Variants in CFD observed in about 807,000 individuals in gnomAD.
CFD encodes the protein C3 convertase activator.
A neutral mutation model predicts 21.1 loss-of-function variants in CFD; 24 were observed. That is an observed-to-expected ratio of 1.14 (90% CI 0.82 to 1.60). The LOEUF (loss-of-function observed/expected upper bound fraction) is 1.60. Among genes scored for constraint, CFD ranks in the 40% most tolerant of loss-of-function variants. The pLI is 0.00. For synonymous variants in CFD, 242 were observed against 175.9 expected (o/e 1.38, Z -2.97); for missense variants, 535 against 383.3 (o/e 1.40, Z -3.31).
chr19:863,206 T>C lies in CFD; in HGVS notation c.730T>C (p.Tyr244His), dbSNP rs1191185181. The C allele has an allele frequency of 1.3e-6, 2 of 1,541,982 alleles. No individual in the cohort carries two copies. The highest frequency in any genetic ancestry group is 2.7e-5 in the African/African-American group (2 of 73,588). The change falls in exon 5 of 5, where the codon TAT (tyrosine) becomes CAT (histidine). Residue 244 changes from tyrosine (Y) to histidine (H), a missense_variant. Transcript: ENST00000327726. ...CGGGATCTACACCCGCGTGGCGAGCTATGCGGCCTGGATCGACAGCGTCCT... is the reference window on the plus strand; with the variant it reads ...CGGGATCTACACCCGCGTGGCGAGCCATGCGGCCTGGATCGACAGCGTCCT... ...KPGIYTRVAS[Y>H]AAWIDSVLA
In CFD at chr19:861,812, C is replaced by A; in HGVS notation, c.471C>A (p.Asn157Lys). Residue 157 changes from asparagine (N) to lysine (K), a missense_variant, in exon 4 of 5, where the codon AAC becomes AAA. By Grantham distance (94) the Asn-to-Lys change is moderately conservative. Coordinates refer to ENST00000327726, the MANE Select transcript of CFD (RefSeq NM_001928.4). ...LCDVAGWGIVNHAGRRPDSLQ... is the reference protein window; with the variant it reads ...LCDVAGWGIVKHAGRRPDSLQ... Reference sequence around the variant, plus strand: ...ACGTGGCCGGCTGGGGCATAGTCAACCACGCGGGCCGCCGCCCGGACAGCC... The same window carrying A: ...ACGTGGCCGGCTGGGGCATAGTCAAACACGCGGGCCGCCGCCCGGACAGCC... The A allele has an allele frequency of 6.2e-7, 1 of 1,603,148 alleles. No homozygotes were observed. Among genetic ancestry groups the A allele is most frequent in the Non-Finnish European group, 8.5e-7 (1 of 1,179,108 alleles).
In CFD at chr19:863,287, C is replaced by G; in HGVS notation, c.*49C>G. 1 of 1,539,896 alleles carries G rather than the reference C, an allele frequency of 6.5e-7. No homozygotes were observed. Among genetic ancestry groups the G allele is most frequent in the South Asian group, 1.2e-5 (1 of 84,296 alleles). ...GTCACCCAAGCAACAAAGTCCCGAG[C>G]AATGAAGTCATCCACTCCTGCATCT... On this transcript the variant is annotated 3_prime_UTR_variant, in exon 5 of 5. Transcript: ENST00000327726.
At chr19:861,441 GC>G (rs1260247159) in intron 3 of CFD, among the ~76,000 whole-genome samples, 11 of 125,088 alleles carry the variant, frequency 8.8e-5, no homozygotes, top group Admixed American at 8.8e-4. Flanking sequence ...TGCACTGGGA[GC>G]CCCCCACCCC....
intron 3 of CFD, 151 bp downstream of exon 3, chr19:861,156 T>C: frequency 1.7e-6 from 1 of 605,842 alleles, no homozygotes; most frequent in Non-Finnish European, 2.9e-6. Context: ...TCACCCCGGG[T>C]CTAGCCTCGA....
At chr19:860,438 C>CCG (rs1555711277) in intron 1 of CFD, among the ~76,000 whole-genome samples, 179 bp from the exon 2 acceptor site, 28 of 150,652 alleles carry the variant, frequency 1.9e-4, no homozygotes, top group African/African-American at 6.3e-4. Context: ...GCACCCCCCC[C>CCG]TCCCCCCCCG....
intron 4 of CFD, 46 bp from the exon 5 acceptor site, chr19:863,045 CG>C: frequency 6.8e-7 from 1 of 1,476,436 alleles, no homozygotes; most frequent in Non-Finnish European, 9.0e-7. Flanking sequence ...CACGTGAGGC[CG>C]GGGTGGGCGC....
Position 863,145 on chromosome 19 carries a change from C to T in CFD, c.669C>T (p.Thr223=), listed in dbSNP as rs772108659. 3 of 1,535,574 alleles carry T rather than the reference C, an allele frequency of 2.0e-6. No homozygotes were observed. The highest frequency in any genetic ancestry group is 2.4e-5 in the South Asian group (2 of 84,032). Reference sequence around the variant, plus strand: ...GGGGCGTGCTCGAGGGCGTGGTCACCTCGGGCTCGCGCGTTTGCGGCAACC... The same window carrying T: ...GGGGCGTGCTCGAGGGCGTGGTCACTTCGGGCTCGCGCGTTTGCGGCAACC... ...VCGGVLEGVV[T]SGSRVCGNRK... Residue 223 remains threonine, a synonymous_variant, in exon 5 of 5, where the codon ACC becomes ACT. Transcript: ENST00000327726.
intron 4 of CFD, among the ~76,000 whole-genome samples, chr19:862,327 T>C (rs1166882354): frequency 2.4e-5 from 2 of 83,238 alleles, no homozygotes; most frequent in African/African-American, 5.0e-5. Flanking sequence ...AGTCCAGTAA[T>C]AGCGGGACTG....
rs1254949710 is a variant in CFD, at chr19:860,899, C to T, written c.251C>T (p.Ser84Phe). The T allele has an allele frequency of 1.3e-6, 2 of 1,590,620 alleles. No homozygotes were observed. The highest frequency in any genetic ancestry group is 1.7e-4 in the Middle Eastern group (1 of 6,054). The change falls in exon 3 of 5, where the codon TCC (serine) becomes TTC (phenylalanine). Residue 84 changes from serine (S) to phenylalanine (F), a missense_variant. Transcript: ENST00000327726. ...GTGCAGGTTCTCCTGGGCGCGCACT[C>T]CCTGTCGCAGCCGGAGCCCTCCAAG... ...GKVQVLLGAH[S>F]LSQPEPSKRL...
chr19:863,058 G>C (rs1288960822), intron 4 of CFD, 34 bp from the exon 5 acceptor site: 1 of 1,488,156 alleles, frequency 6.7e-7, no homozygotes, highest in South Asian at 1.3e-5. Flanking sequence ...GGTGGGCGCG[G>C]GCCGCCCCTC....
Position 863,376 on chromosome 19 carries a change from A to T in CFD, c.*138A>T. On this transcript the variant is annotated 3_prime_UTR_variant, in exon 5 of 5. Coordinates refer to ENST00000327726, the MANE Select transcript of CFD (RefSeq NM_001928.4). ...GAGGCCGAGGTGGGAGGATCATTGG[A>T]TCTCAGGAGTTCGAGATCAGCATGG... is the stretch of plus-strand genomic sequence containing the variant. 1 of 1,050,528 alleles carries T rather than the reference A, an allele frequency of 9.5e-7. No individual in the cohort carries two copies. 65.1% of individuals were successfully genotyped at this position (1,050,528 alleles called of 1,614,324 possible).
At chr19:862,832 T>TG (rs2035823423) in intron 4 of CFD, among the ~76,000 whole-genome samples, 1 of 81,206 alleles carries the variant, frequency 1.2e-5, no homozygotes, top group South Asian at 3.7e-4. Flanking sequence ...TGGAGCGGGG[T>TG]GGGGTCGGGG....
At position 861,788 on chromosome 19, in the gene CFD, C is replaced by T. The variant is rs765135517; in HGVS notation, c.447C>T (p.Asp149=). The change falls in exon 4 of 5, where the codon GAC becomes GAT. Residue 149 remains aspartate (D), a synonymous_variant. Transcript: ENST00000327726. The part of the protein sequence containing the change: ...DRDVAPGTLC[D]VAGWGIVNHA... ...ACGTGGCACCGGGAACTCTCTGCGA[C>T]GTGGCCGGCTGGGGCATAGTCAACC... 8 of 1,605,160 alleles carry T rather than the reference C, an allele frequency of 5.0e-6. No homozygotes were observed. The highest frequency in any genetic ancestry group is 2.2e-5 in the East Asian group (1 of 44,762).
intron 4 of CFD, among the ~76,000 whole-genome samples, chr19:862,209 T>G (rs1271883562): frequency 2.9e-3 from 88 of 30,792 alleles, no homozygotes; most frequent in African/African-American, 4.1e-3. Context: ...CTGGAGAGGG[T>G]GGGGCTGAAG....
At chr19:862,022 C>CGGGGA in intron 4 of CFD, 66 bp downstream of exon 4, 2 of 1,475,594 alleles carry the variant, frequency 1.4e-6, no homozygotes, top group Non-Finnish European at 1.8e-6. Context: ...GCAGAGGGAG[C>CGGGGA]GCGAAGCGGG....
chr19:860,327 A>G (rs1198875953), intron 1 of CFD, among the ~76,000 whole-genome samples: 1 of 151,602 alleles, frequency 6.6e-6, no homozygotes, highest in Non-Finnish European at 1.5e-5. Context: ...AATAGCTGAG[A>G]TTATAGGCCA....
rs2035831886 is a variant in CFD at position 863,100 on chromosome 19, CGGGGGCCCGCT to C, written c.627_637del (p.Gly210ValfsTer130). 8 of 1,524,640 alleles carry C rather than the reference CGGGGGCCCGCT, an allele frequency of 5.2e-6. No homozygotes were observed. The South Asian group carries it at 9.6e-5, about 18-fold the overall frequency. 94.4% of individuals were successfully genotyped at this position (1,524,640 alleles called of 1,614,324 possible). A position where few individuals can be genotyped will look rare whatever the true frequency, so the allele number is the denominator to read the frequency against. Reference sequence around the variant, plus strand: ...CCGTCCTGTTCCGGCAGGGTGACTCCGGGGGCCCGCTGGTGTGCGGGGGCGTGCTCGAGGGC... The same window carrying C: ...CCGTCCTGTTCCGGCAGGGTGACTCCGGTGTGCGGGGGCGTGCTCGAGGGC... On this transcript the variant is annotated frameshift_variant, in exon 5 of 5. Coordinates refer to ENST00000327726, the MANE Select transcript of CFD (RefSeq NM_001928.4). LOFTEE classifies it low-confidence loss of function (END_TRUNC).
chr19:862,100 G>C, intron 4 of CFD, 144 bp downstream of exon 4: 1 of 1,226,568 alleles, frequency 8.2e-7, no homozygotes, highest in Non-Finnish European at 1.1e-6. Context: ...AAGATGGGCG[G>C]AGCATGAGGG....
At chr19:861,619 C>G in intron 3 of CFD, 80 bp from the exon 4 acceptor site, 2 of 1,509,616 alleles carry the variant, frequency 1.3e-6, no homozygotes, top group Non-Finnish European at 1.8e-6. Flanking sequence ...CCTCCCCCGT[C>G]CCGTCTCCCC....
Sources: gnomAD v4.1 joint callset for allele counts (sites outside exome capture counted in the v4.1 genomes callset) on GRCh38, gnomAD v4.1.1 for gene constraint, MANE v1.5 for transcripts, NCBI Gene and HGNC (gene_info 2026-07-23, HGNC 2026-07-21) for gene names.